MAP3K13: variants seen among roughly 807,000 people sequenced by gnomAD.
MAP3K13 encodes mitogen-activated protein kinase kinase kinase 13.
MAP3K13 carries 52 observed loss-of-function variants against 104.0 expected under a neutral mutation model. That is an observed-to-expected ratio of 0.50 (90% CI 0.40 to 0.63). The LOEUF (loss-of-function observed/expected upper bound fraction) is 0.63, where lower values mean the gene tolerates loss of function less well. MAP3K13 is among the 20% of genes least tolerant of loss of function. The pLI, the probability that MAP3K13 is intolerant of heterozygous loss-of-function variation, is 0.00. For missense variants in MAP3K13, 914 were observed against 1,218.5 expected, an observed-to-expected ratio of 0.75 and a Z score of 3.72; for synonymous variants, 394 against 442.2, an observed-to-expected ratio of 0.89 and a Z score of 1.37.
rs561796881 is a variant in MAP3K13, at chr3:185,363,705, C to T, written c.-86+337C>T. 4.6e-5 allele frequency among the ~76,000 whole-genome samples: 7 copies of T among 152,354 alleles called. No homozygotes were observed. The East Asian group carries it at 1.4e-3, about 29-fold the overall frequency. ...ATGGTATTAGCAGAAAAGCCCAGAA[C>T]ACCAGAAAGGTGCTGAGAAAAGCGG... On this transcript the variant is annotated intron_variant, in intron 1 of 13. Coordinates refer to ENST00000265026, the MANE Select transcript of MAP3K13 (RefSeq NM_004721.5).
intron 2 of MAP3K13, among the ~76,000 whole-genome samples, chr3:185,299,275 A>G (rs1227323062): frequency 1.3e-5 from 2 of 152,232 alleles, no homozygotes; most frequent in Non-Finnish European, 2.9e-5. Context: ...GAGGAAGAGA[A>G]GGCACCGTAA....
At chr3:185,411,231 T>C (rs1043579170) in intron 1 of MAP3K13, among the ~76,000 whole-genome samples, 2 of 152,172 alleles carry the variant, frequency 1.3e-5, no homozygotes, top group Non-Finnish European at 2.9e-5. Context: ...TTGCAATCAG[T>C]TATTTAGAAC....
At chr3:185,318,481 A>T (rs542392194) in intron 2 of MAP3K13, among the ~76,000 whole-genome samples, 1 of 152,372 alleles carries the variant, frequency 6.6e-6, no homozygotes, top group African/African-American at 2.4e-5. Context: ...AAAAGCAGTT[A>T]TTCATCCCTA....
chr3:185,333,983 G>A (rs1722378564), intron 2 of MAP3K13, among the ~76,000 whole-genome samples: 2 of 152,192 alleles, frequency 1.3e-5, no homozygotes, highest in South Asian at 4.1e-4. Flanking sequence ...GAGCCCAGGA[G>A]GTGGAGGTTG....
intron 1 of MAP3K13, among the ~76,000 whole-genome samples, chr3:185,408,052 T>C (rs891633151): frequency 6.6e-6 from 1 of 151,944 alleles, no homozygotes; most frequent in Non-Finnish European, 1.5e-5. Context: ...GCCTTACTTT[T>C]ATCTTAGTAG....
chr3:185,304,936 CT>C (rs1406854132), intron 2 of MAP3K13, among the ~76,000 whole-genome samples: 3 of 151,966 alleles, frequency 2.0e-5, no homozygotes, highest in Non-Finnish European at 4.4e-5. Flanking sequence ...CCGGCCACCC[CT>C]GTTCTCTTTT....
chr3:185,409,002 T>G (rs912644054), intron 1 of MAP3K13, among the ~76,000 whole-genome samples: 5 of 152,044 alleles, frequency 3.3e-5, no homozygotes, highest in Non-Finnish European at 7.4e-5. Flanking sequence ...TATAAAAAGG[T>G]GGACTAGAGT....
In MAP3K13 at chr3:185,443,731, C is replaced by G. The variant is rs188088193; in HGVS notation, c.851+95C>G. On this transcript the variant is annotated intron_variant, in intron 4 of 13. Transcript: ENST00000265026. ...CAGTTGACGTTTTCAGACATCATAC[C>G]TTTAGTTCAGTTTCAATCAGCACAG... The G allele has an allele frequency of 1.5e-5, 16 of 1,046,826 alleles. No homozygotes were observed. In the Admixed American group the frequency reaches 2.7e-4, roughly 17 times the overall value. The allele number at this position is 1,046,826 out of a possible 1,614,324, so 64.8% of individuals were successfully genotyped here.
chr3:185,293,333 G>A (rs917214582), intron 2 of MAP3K13, among the ~76,000 whole-genome samples: 1 of 151,892 alleles, frequency 6.6e-6, no homozygotes, highest in Non-Finnish European at 1.5e-5. Context: ...GGCCAGGCTG[G>A]TCTCAAATTC....
intron 2 of MAP3K13, among the ~76,000 whole-genome samples, chr3:185,343,684 C>T (rs951904474): frequency 2.6e-5 from 4 of 152,162 alleles, no homozygotes; most frequent in African/African-American, 9.7e-5. Flanking sequence ...ATCTCTTGAC[C>T]TTGTGATCTG....
intron 2 of MAP3K13, among the ~76,000 whole-genome samples, chr3:185,341,407 C>G (rs1722718404): frequency 6.6e-6 from 1 of 152,124 alleles, no homozygotes; most frequent in South Asian, 2.1e-4. Flanking sequence ...CCAAAGCCTT[C>G]AGCAGGAGCA....
upstream of MAP3K13, among the ~76,000 whole-genome samples, chr3:185,358,255 A>C (rs1577460604): frequency 6.6e-6 from 1 of 152,198 alleles, no homozygotes; most frequent in African/African-American, 2.4e-5. Flanking sequence ...ATGAAAATTC[A>C]GTGGATTACA....
chr3:185,387,316 C>T (rs1181294659), intron 1 of MAP3K13, among the ~76,000 whole-genome samples: 1 of 152,056 alleles, frequency 6.6e-6, no homozygotes, highest in African/African-American at 2.4e-5. Context: ...CCTGTGAGTG[C>T]TGCTTGTTAA....
chr3:185,334,193 T>C (rs1015361486), intron 2 of MAP3K13, among the ~76,000 whole-genome samples: 3 of 152,230 alleles, frequency 2.0e-5, no homozygotes, highest in Admixed American at 6.5e-5. Flanking sequence ...GTGCAATATA[T>C]ATATACCATG....
At chr3:185,384,983 T>C (rs557371467) in intron 1 of MAP3K13, among the ~76,000 whole-genome samples, 21 of 152,230 alleles carry the variant, frequency 1.4e-4, no homozygotes, top group Non-Finnish European at 2.8e-4. Context: ...TTGTTTACTG[T>C]GCTTTTGAAG....
Position 185,307,547 on chromosome 3 carries a change from T to A in MAP3K13, c.-86+21904T>A, listed in dbSNP as rs56137169. ...AATTTCCATTTGGTGCACCACCCCC[T>A]CCCCCGCCACCCCGAGATGCAGTCT... is the stretch of plus-strand genomic sequence containing the variant. On this transcript the variant is annotated intron_variant, in intron 2 of 14. Transcript: ENST00000424227. 3.7e-4 allele frequency among the ~76,000 whole-genome samples: 41 copies of A among 110,292 alleles called. 1 individual carries two copies. Among genetic ancestry groups the A allele is most frequent in the African/African-American group, 1.1e-3 (26 of 24,400 alleles). The allele number at this position is 110,292 out of a possible 152,430, so 72.4% of individuals were successfully genotyped here.
chr3:185,455,714 G>A (rs866028468), intron 7 of MAP3K13, among the ~76,000 whole-genome samples: 23 of 10,732 alleles, frequency 2.1e-3, no homozygotes, highest in Non-Finnish European at 4.9e-3. Flanking sequence ...AGATATATAT[G>A]AGATATATAT....
At chr3:185,331,484 G>GTGTGTA (rs1182766162) in intron 2 of MAP3K13, among the ~76,000 whole-genome samples, 1 of 135,996 alleles carries the variant, frequency 7.4e-6, no homozygotes, top group African/African-American at 2.7e-5. Context: ...GTATGCCTGT[G>GTGTGTA]TGTGTATGTG....
chr3:185,454,315 GAT>G (rs1453546630), intron 7 of MAP3K13, among the ~76,000 whole-genome samples: 3 of 90,606 alleles, frequency 3.3e-5, no homozygotes, highest in African/African-American at 1.0e-4. Context: ...ATATATATGA[GAT>G]ATATATGAGA....
Sources: allele counts gnomAD v4.1 joint callset (sites outside exome capture counted in the v4.1 genomes callset), GRCh38; gene constraint gnomAD v4.1.1; transcripts MANE v1.5; gene names NCBI Gene and HGNC (gene_info 2026-07-23, HGNC 2026-07-21).